The following PSMB7 variants were observed in gnomAD, a reference collection of about 807,000 sequenced individuals.
PSMB7 encodes proteasome subunit beta type-7.
A neutral mutation model predicts 28.1 loss-of-function variants in PSMB7; 5 were observed. That is an observed-to-expected ratio of 0.18 (90% confidence interval 0.09 to 0.37). The LOEUF (loss-of-function observed/expected upper bound fraction) is 0.37. PSMB7 is among the 10% of genes least tolerant of loss of function. The probability of loss-of-function intolerance (pLI) is 1.00; values close to 1 mark genes in which losing one functional copy is unlikely to be tolerated. For synonymous variants in PSMB7, 122 were observed against 123.7 expected (o/e 0.99, Z 0.09); for missense variants, 275 against 346.2 (o/e 0.79, Z 1.63).
Position 124,412,465 on chromosome 9 carries a change from G to A in PSMB7, c.282C>T (p.Asp94=), listed in dbSNP as rs781266012. ...AAATGAGCTGGGTTGTCATGTCTGT[G>A]TCTGCAGCTGTCCCAGCACCACAAC... The part of the protein sequence containing the change: ...IYCCGAGTAA[D]TDMTTQLISS... Residue 94 remains aspartate, a synonymous_variant, in exon 4 of 8, where the codon GAC becomes GAT. Coordinates refer to ENST00000259457, the MANE Select transcript of PSMB7 (RefSeq NM_002799.4). 2.5e-6 allele frequency: 4 copies of A among 1,614,006 alleles called. No homozygotes were observed. In the South Asian group the frequency reaches 4.4e-5, roughly 18 times the overall value.
chr9:124,396,344 A>G (rs1224112934), intron 5 of PSMB7, among the ~76,000 whole-genome samples: 2 of 152,042 alleles, frequency 1.3e-5, no homozygotes, highest in African/African-American at 4.8e-5. Flanking sequence ...AAAATACAGA[A>G]AAGGCTGTAC....
At chr9:124,367,589 C>T (rs1160929339) in intron 6 of PSMB7, among the ~76,000 whole-genome samples, 3 of 151,914 alleles carry the variant, frequency 2.0e-5, no homozygotes, top group Non-Finnish European at 4.4e-5. Context: ...GCGGGGGAGG[C>T]AATGCTTGAC....
intron 5 of PSMB7, among the ~76,000 whole-genome samples, chr9:124,393,866 C>T (rs1830816564): frequency 6.6e-6 from 1 of 152,158 alleles, no homozygotes; most frequent in South Asian, 2.1e-4. Flanking sequence ...TAGGTGTCAC[C>T]TACCCCTGTT....
At chr9:124,368,374 T>C (rs566440368) in intron 6 of PSMB7, among the ~76,000 whole-genome samples, 2 of 152,374 alleles carry the variant, frequency 1.3e-5, no homozygotes, top group South Asian at 4.1e-4. Context: ...TGCAAATATA[T>C]TGCTTAAATT....
chr9:124,397,181 T>C (rs893964629), intron 5 of PSMB7, among the ~76,000 whole-genome samples: 2 of 152,196 alleles, frequency 1.3e-5, no homozygotes, highest in Non-Finnish European at 2.9e-5. Flanking sequence ...AGTTTCCTCA[T>C]CTTTAAGACA....
chr9:124,403,962 G>A (rs1830937918), intron 5 of PSMB7, among the ~76,000 whole-genome samples: 1 of 149,368 alleles, frequency 6.7e-6, no homozygotes, highest in African/African-American at 2.5e-5. Context: ...CTTGATCACA[G>A]CTCATTGCAA....
chr9:124,389,546 C>T (rs1294489625), intron 5 of PSMB7, among the ~76,000 whole-genome samples: 1 of 152,200 alleles, frequency 6.6e-6, no homozygotes, highest in African/African-American at 2.4e-5. Context: ...CCCAAGCCCA[C>T]CTACACACCC....
chr9:124,389,123 T>C (rs1424009743), intron 5 of PSMB7, among the ~76,000 whole-genome samples: 13 of 152,230 alleles, frequency 8.5e-5, no homozygotes, highest in Admixed American at 8.5e-4. Flanking sequence ...TAGTTTACCA[T>C]ACTAGGCTGA....
chr9:124,359,097 A>G (rs142483511), intron 6 of PSMB7, among the ~76,000 whole-genome samples: 1 of 152,388 alleles, frequency 6.6e-6, no homozygotes, highest in East Asian at 1.9e-4. Context: ...AAATATGCAA[A>G]TTTTAAAATT....
intron 6 of PSMB7, among the ~76,000 whole-genome samples, chr9:124,363,677 G>A (rs1462857256): frequency 1.3e-5 from 2 of 152,186 alleles, no homozygotes; most frequent in Non-Finnish European, 2.9e-5. Flanking sequence ...CGCCTAGCTG[G>A]TGTTGCCATT....
chr9:124,353,829 CT>C (rs1472520675), intron 7 of PSMB7, 120 bp from the exon 8 acceptor site: 1 of 725,980 alleles, frequency 1.4e-6, no homozygotes, highest in African/African-American at 1.8e-5. Flanking sequence ...AATCTTGGCT[CT>C]CCCGATCCCA....
At chr9:124,412,098 C>T (rs943192808) in intron 4 of PSMB7, among the ~76,000 whole-genome samples, 3 of 152,052 alleles carry the variant, frequency 2.0e-5, no homozygotes, top group African/African-American at 7.3e-5. Context: ...TTCTCTTATC[C>T]AGTAATATCC....
At chr9:124,411,657 A>G (rs1393313640) in intron 4 of PSMB7, among the ~76,000 whole-genome samples, 2 of 152,240 alleles carry the variant, frequency 1.3e-5, no homozygotes, top group Non-Finnish European at 2.9e-5. Flanking sequence ...ACATAAAGTA[A>G]TGACGCAATT....
intron 6 of PSMB7, among the ~76,000 whole-genome samples, chr9:124,380,008 G>A (rs1480385225): frequency 1.3e-5 from 2 of 152,196 alleles, no homozygotes; most frequent in African/African-American, 4.8e-5. Flanking sequence ...CACTGGCATG[G>A]AGGAGATGCC....
chr9:124,412,289 G>A, intron 4 of PSMB7, 63 bp downstream of exon 4: 6 of 1,508,294 alleles, frequency 4.0e-6, no homozygotes, highest in East Asian at 2.3e-5. Context: ...GCTTCTCTTG[G>A]CTGAAAAAAA....
chr9:124,395,644 G>A (rs1047031139), intron 5 of PSMB7, among the ~76,000 whole-genome samples: 5 of 152,222 alleles, frequency 3.3e-5, no homozygotes, highest in South Asian at 2.1e-4. Flanking sequence ...TGTACAGAGC[G>A]TGCACACATA....
At chr9:124,378,044 ATTTC>A (rs1830630918) in intron 6 of PSMB7, among the ~76,000 whole-genome samples, 1 of 152,250 alleles carries the variant, frequency 6.6e-6, no homozygotes, top group African/African-American at 2.4e-5. Context: ...TGCAGTCTTC[ATTTC>A]TTTAAGTTGA....
intron 6 of PSMB7, among the ~76,000 whole-genome samples, chr9:124,381,714 A>C (rs1332226731): frequency 1.3e-5 from 2 of 152,226 alleles, no homozygotes; most frequent in Non-Finnish European, 2.9e-5. Context: ...AATGACAGAC[A>C]CTTTGGCTGA....
chr9:124,413,810 G>A, intron 3 of PSMB7, 98 bp downstream of exon 3: 1 of 772,098 alleles, frequency 1.3e-6, no homozygotes, highest in Non-Finnish European at 2.1e-6. Context: ...AGAAAATACA[G>A]GTTGAAAAAC....
Sources: gnomAD v4.1 joint callset for allele counts (sites outside exome capture counted in the v4.1 genomes callset) on GRCh38, gnomAD v4.1.1 for gene constraint, MANE v1.5 for transcripts, NCBI Gene and HGNC (gene_info 2026-07-23, HGNC 2026-07-21) for gene names.